NOTCH1: variants seen among roughly 807,000 people sequenced by gnomAD.
NOTCH1 encodes the protein neurogenic locus notch homolog protein 1.
In NOTCH1, 37 loss-of-function variants were observed where a neutral mutation model predicts 254.8. The ratio of observed to expected loss-of-function variants is 0.15; its 90% CI spans 0.11 to 0.19. NOTCH1 has a LOEUF of 0.19. NOTCH1 is among the 10% of genes least tolerant of loss of function. The pLI, the probability that NOTCH1 is intolerant of heterozygous loss-of-function variation, is 1.00. For synonymous variants in NOTCH1, 1,731 were observed against 1,618.1 expected, an observed-to-expected ratio of 1.07 and a Z score of -1.68; for missense variants, 2,972 against 3,708.6, an observed-to-expected ratio of 0.80 and a Z score of 5.16.
In NOTCH1 at chr9:136,496,417, G is replaced by T; in HGVS notation, c.7322C>A (p.Ala2441Glu). 6.3e-7 allele frequency: 1 copy of T among 1,599,458 alleles called. No homozygotes were observed. The highest frequency in any genetic ancestry group is 8.5e-7 in the Non-Finnish European group (1 of 1,179,568). ...RSFLSGEPSQ[A>E]DVQPLGPSSL... Reference sequence around the variant, plus strand: ...GCTGGGGCCCAGTGGCTGCACGTCTGCCTGGCTCGGCTCTCCACTCAGGAA... The same window carrying T: ...GCTGGGGCCCAGTGGCTGCACGTCTTCCTGGCTCGGCTCTCCACTCAGGAA... Residue 2441 changes from alanine (A) to glutamate (E), a missense_variant, in exon 34 of 34, where the codon GCA becomes GAA. Coordinates refer to ENST00000651671, the MANE Select transcript of NOTCH1 (RefSeq NM_017617.5).
intron 2 of NOTCH1, among the ~76,000 whole-genome samples, chr9:136,527,412 G>A (rs545318079): frequency 3.9e-5 from 6 of 152,126 alleles, no homozygotes; most frequent in Admixed American, 2.0e-4. Context: ...TGGGCCGCGA[G>A]GTGGGCGCCA....
At position 136,496,026 on chromosome 9, in the gene NOTCH1, C is replaced by G. The variant is rs2133313416; in HGVS notation, c.*45G>C. ...GCATCCACAGAGCGCACACAGACGC[C>G]CGAAGGCTTGGGAAAGGAAGCCGGG... On this transcript the variant is annotated 3_prime_UTR_variant, in exon 34 of 34. Coordinates refer to ENST00000651671, the MANE Select transcript of NOTCH1 (RefSeq NM_017617.5). 1 of 1,573,034 alleles carries G rather than the reference C, an allele frequency of 6.4e-7. No individual in the cohort carries two copies. Among genetic ancestry groups the G allele is most frequent in the Non-Finnish European group, 8.6e-7 (1 of 1,166,882 alleles).
In NOTCH1 at chr9:136,507,305, C is replaced by A; in HGVS notation, c.3643G>T (p.Gly1215Cys). 2 of 1,612,898 alleles carry A rather than the reference C, an allele frequency of 1.2e-6. No homozygotes were observed. The highest frequency in any genetic ancestry group is 1.7e-6 in the Non-Finnish European group (2 of 1,179,912). The change falls in exon 22 of 34, where the codon GGT becomes TGT. Residue 1215 changes from glycine (G) to cysteine (C), a missense_variant and splice_region_variant. Around this residue, in one of 8 missense-constraint regions of NOTCH1, gnomAD observed 1,343 missense variants for 1,557.0 expected, o/e 0.86. Coordinates refer to ENST00000651671, the MANE Select transcript of NOTCH1 (RefSeq NM_017617.5). ...CAGCCCTCCGTGCAGCGGCCCTTAC[C>A]CTGAGTGCCCCGTGGGCAGGAGCAC... ...YKCSCPRGTQGVHCEINVDDC... is the reference protein window; with the variant it reads ...YKCSCPRGTQCVHCEINVDDC...
At chr9:136,524,576 T>A (rs1472281217) in intron 2 of NOTCH1, among the ~76,000 whole-genome samples, 1 of 152,008 alleles carries the variant, frequency 6.6e-6, no homozygotes, top group African/African-American at 2.4e-5. Context: ...GGTGTCAACA[T>A]GATGGCAGCC....
Position 136,496,557 on chromosome 9 carries a change from C to G in NOTCH1, c.7182G>C (p.Gln2394His). Residue 2394 changes from glutamine to histidine, a missense_variant, in exon 34 of 34, where the codon CAG becomes CAC. Coordinates refer to ENST00000651671, the MANE Select transcript of NOTCH1 (RefSeq NM_017617.5). ...QVQPQNLQMQ[Q>H]QNLQPANIQQ... Reference sequence around the variant, plus strand: ...GGATGTTTGCTGGCTGCAGGTTCTGCTGCTGCATCTGTAAGTTTTGTGGCT... The same window carrying G: ...GGATGTTTGCTGGCTGCAGGTTCTGGTGCTGCATCTGTAAGTTTTGTGGCT... 2 of 1,610,764 alleles carry G rather than the reference C, an allele frequency of 1.2e-6. No homozygotes were observed. Among genetic ancestry groups the G allele is most frequent in the Admixed American group, 1.7e-5 (1 of 60,036 alleles).
chr9:136,544,913 G>T (rs780223324), intron 1 of NOTCH1, among the ~76,000 whole-genome samples: 1 of 152,184 alleles, frequency 6.6e-6, no homozygotes, highest in Non-Finnish European at 1.5e-5. Context: ...AACGGGGGAG[G>T]GGGGTGTGAC....
At chr9:136,527,283 G>A (rs1843477989) in intron 2 of NOTCH1, among the ~76,000 whole-genome samples, 4 of 152,202 alleles carry the variant, frequency 2.6e-5, no homozygotes, top group Admixed American at 2.6e-4. Context: ...CAGGCCTGCA[G>A]CATGGCCATG....
rs547726023 is a variant in NOTCH1 at position 136,526,705 on chromosome 9, A to G, written c.141-2726T>C. ...CTCCCCACCCTGAGCGCGGACCCCA[A>G]CGTGGAGGACTGTGGGAGAATCTGC... On this transcript the variant is annotated intron_variant, in intron 2 of 33. Coordinates refer to ENST00000651671, the MANE Select transcript of NOTCH1 (RefSeq NM_017617.5). Among the ~76,000 whole-genome samples the G allele has an allele frequency of 1.4e-4, 21 of 152,302 alleles. 1 individual carries two copies. The South Asian group carries it at 3.1e-3, about 23-fold the overall frequency.
At chr9:136,522,645 T>C (rs1026827843) in intron 4 of NOTCH1, 4 of 574,684 alleles carry the variant, frequency 7.0e-6, no homozygotes, top group Non-Finnish European at 1.2e-5. Context: ...ACCTGGACCC[T>C]GTGCAAGCCT....
intron 9 of NOTCH1, among the ~76,000 whole-genome samples, chr9:136,516,705 T>C (rs1194731152): frequency 1.3e-5 from 2 of 152,010 alleles, no homozygotes; most frequent in Non-Finnish European, 2.9e-5. Flanking sequence ...GCACTGCAGC[T>C]CCTGGTATAC....
At chr9:136,543,350 A>AG in intron 2 of NOTCH1, 1 of 237,740 alleles carries the variant, frequency 4.2e-6, no homozygotes. Flanking sequence ...ATCACCACCC[A>AG]GAGGAGGCAT....
At position 136,545,030 on chromosome 9, in the gene NOTCH1, G is replaced by A. The variant is rs1304574205; in HGVS notation, c.61+696C>T. Among the ~76,000 whole-genome samples the A allele has an allele frequency of 6.6e-6, 1 of 152,106 alleles. No homozygotes were observed. The highest frequency in any genetic ancestry group is 1.5e-5 in the Non-Finnish European group (1 of 68,000). ...CCAGAGACCCCGCTCGCTGTGCGGC[G>A]GGGAGAAATGTAAGAGCCCCCCACC... On this transcript the variant is annotated intron_variant, in intron 1 of 33. Transcript: ENST00000651671. The surrounding 1 kb of genome is among the most constrained non-coding windows in gnomAD (Gnocchi z 6.8).
At chr9:136,507,156 G>C (rs1843101782) in intron 22 of NOTCH1, 149 bp downstream of exon 22, 88 of 1,486,566 alleles carry the variant, frequency 5.9e-5, no homozygotes, top group Non-Finnish European at 7.9e-5. Context: ...CCCTTTCCCT[G>C]GGCAGCTGTG....
chr9:136,500,899 G>T lies in NOTCH1; in HGVS notation c.5639-52C>A, dbSNP rs528096815. On this transcript the variant is annotated intron_variant, in intron 30 of 33. Coordinates refer to ENST00000651671, the MANE Select transcript of NOTCH1 (RefSeq NM_017617.5). ...TCTGGAGGGCCGGTCCCCAGCTGCAGCCCAGGGGGAGGGGGGCAGCAGCCC... is the reference window on the plus strand; with the variant it reads ...TCTGGAGGGCCGGTCCCCAGCTGCATCCCAGGGGGAGGGGGGCAGCAGCCC... 119 of 1,525,996 alleles carry T rather than the reference G, an allele frequency of 7.8e-5. 2 individuals carry two copies. In the South Asian group the frequency reaches 1.1e-3, roughly 15 times the overall value. The allele number at this position is 1,525,996 out of a possible 1,614,324, so 94.5% of individuals were successfully genotyped here.
In NOTCH1 at chr9:136,505,026, C is replaced by T. The variant is rs2133337514; in HGVS notation, c.4665G>A (p.Glu1555=). The T allele has an allele frequency of 6.2e-7, 1 of 1,608,262 alleles. No individual in the cohort carries two copies. Among genetic ancestry groups the T allele is most frequent in the Non-Finnish European group, 8.5e-7 (1 of 1,178,420 alleles). ...CDQGCNSAEC[E]WDGLDCAEHV... is the part of the protein sequence containing the mutation. ...GCTCCGCACAGTCCAGCCCGTCCCA[C>T]TCGCACTCCGCGCTGTTGCAGCCCT... The change falls in exon 26 of 34, where the codon GAG becomes GAA. Residue 1555 remains glutamate, a synonymous_variant. Transcript: ENST00000651671.
At position 136,502,691 on chromosome 9, in the gene NOTCH1, C is replaced by T. The variant is rs992217012; in HGVS notation, c.5168-203G>A. 3 of 577,486 alleles carry T rather than the reference C, an allele frequency of 5.2e-6. No individual in the cohort carries two copies. In the African/African-American group the frequency reaches 5.7e-5, roughly 11 times the overall value. 35.8% of individuals were successfully genotyped at this position (577,486 alleles called of 1,614,324 possible). A position where few individuals can be genotyped will look rare whatever the true frequency, so the allele number is the denominator to read the frequency against. On this transcript the variant is annotated intron_variant, in intron 27 of 33. Coordinates refer to ENST00000651671, the MANE Select transcript of NOTCH1 (RefSeq NM_017617.5). ...TCGCTAAATTCTCTCCTGCACCAGC[C>T]GACTCTATCTGGAGACGGCTTTTAC...
At position 136,505,592 on chromosome 9, in the gene NOTCH1, C is replaced by T. The variant is rs1247192040; in HGVS notation, c.4304G>A (p.Gly1435Glu). The T allele has an allele frequency of 6.2e-7, 1 of 1,610,760 alleles. No individual in the cohort carries two copies. Among genetic ancestry groups the T allele is most frequent in the Non-Finnish European group, 8.5e-7 (1 of 1,178,962 alleles). Reference sequence around the variant, plus strand: ...CGGCGGGGGGATGTCGCGCCCGGCCCCACCCCCGAAGCTGTAGTCCAGGAT... The same window carrying T: ...CGGCGGGGGGATGTCGCGCCCGGCCTCACCCCCGAAGCTGTAGTCCAGGAT... Reference protein sequence around the residue: ...CHILDYSFGGGAGRDIPPPLI... With the variant: ...CHILDYSFGGEAGRDIPPPLI... The change falls in exon 25 of 34, where the codon GGG (glycine) becomes GAG (glutamate). Residue 1435 changes from glycine to glutamate, a missense_variant. Gly to Glu is a moderately conservative substitution (Grantham distance 98, BLOSUM62 -2). Around this residue, in one of 8 missense-constraint regions of NOTCH1, gnomAD observed 1,343 missense variants for 1,557.0 expected, o/e 0.86. Transcript: ENST00000651671.
At position 136,510,810 on chromosome 9, in the gene NOTCH1, G is replaced by A. The variant is rs764684418; in HGVS notation, c.2588-5C>T. 69 of 1,607,608 alleles carry A rather than the reference G, an allele frequency of 4.3e-5. No homozygotes were observed. Among genetic ancestry groups the A allele is most frequent in the Non-Finnish European group, 5.3e-5 (63 of 1,179,690 alleles). ...TGTCGACCTCACAGGTCTGCCCTGC[G>A]GGGCAGGAGGAGGCCGGTTGGTCAC... On this transcript the variant is annotated splice_region_variant and splice_polypyrimidine_tract_variant and intron_variant, in intron 16 of 33. Coordinates refer to ENST00000651671, the MANE Select transcript of NOTCH1 (RefSeq NM_017617.5).
rs370769571 is a variant in NOTCH1, at chr9:136,509,973, C to T, written c.2741-12G>A. Reference sequence around the variant, plus strand: ...GTTGTGACACGGGTCTGGGAGAGGACGGAAGGGTGAGTGTGAGGGGCAGGC... The same window carrying T: ...GTTGTGACACGGGTCTGGGAGAGGATGGAAGGGTGAGTGTGAGGGGCAGGC... On this transcript the variant is annotated splice_polypyrimidine_tract_variant and intron_variant, in intron 17 of 33. Coordinates refer to ENST00000651671, the MANE Select transcript of NOTCH1 (RefSeq NM_017617.5). 35 of 1,611,286 alleles carry T rather than the reference C, an allele frequency of 2.2e-5. No homozygotes were observed. Among genetic ancestry groups the T allele is most frequent in the African/African-American group, 1.7e-4 (13 of 74,902 alleles).
Sources: gnomAD v4.1 joint callset for allele counts (sites outside exome capture counted in the v4.1 genomes callset) on GRCh38, gnomAD v4.1.1 for gene constraint, gnomAD v4.1.1 regional missense constraint, Gnocchi (gnomAD v3.1) non-coding constraint, MANE v1.5 for transcripts, NCBI Gene and HGNC (gene_info 2026-07-23, HGNC 2026-07-21) for gene names.